Variants in ZNF208 observed in about 807,000 individuals in gnomAD.
The protein encoded by ZNF208 is zinc finger protein 95.
A neutral mutation model predicts 12.1 loss-of-function variants in ZNF208; 10 were observed. That is an observed-to-expected ratio of 0.83 (90% CI 0.51 to 1.40). The LOEUF is 1.40. Ranked by LOEUF, ZNF208 falls within the 40% of genes most tolerant of loss-of-function variation. The probability of loss-of-function intolerance (pLI) is 0.00; values close to 1 mark genes in which losing one functional copy is unlikely to be tolerated. For missense variants in ZNF208, 1,652 were observed against 1,485.0 expected (o/e 1.11, Z -1.85); for synonymous variants, 497 against 488.4 (o/e 1.02, Z -0.23).
intron 2 of ZNF208, 137 bp downstream of exon 2, chr19:21,988,646 G>T: frequency 1.9e-6 from 3 of 1,540,442 alleles, no homozygotes; most frequent in South Asian, 2.4e-5. Flanking sequence ...GGAGGCCCCT[G>T]ACCCCTTCTT....
At chr19:21,979,410 G>C (rs1378839846) in intron 3 of ZNF208, among the ~76,000 whole-genome samples, 1 of 152,112 alleles carries the variant, frequency 6.6e-6, no homozygotes, top group African/African-American at 2.4e-5. Flanking sequence ...AGAAGAGACT[G>C]GGGGGCCAAT....
Position 21,988,791 on chromosome 19 carries a change from A to C in ZNF208, c.122T>G (p.Val41Gly). The C allele has an allele frequency of 6.2e-7, 1 of 1,614,154 alleles. No individual in the cohort carries two copies. Among genetic ancestry groups the C allele is most frequent in the Non-Finnish European group, 8.5e-7 (1 of 1,179,998 alleles). Reference sequence around the variant, plus strand: ...ATTAAAGTTATTCTCACCCAGGAAGACCAGGTTTCTGTAGTTCTCTAACAT... The same window carrying C: ...ATTAAAGTTATTCTCACCCAGGAAGCCCAGGTTTCTGTAGTTCTCTAACAT... ...NVMLENYRNL[V>G]FLGIAAFKPD... is the part of the protein sequence containing the mutation. Residue 41 changes from valine (V) to glycine (G), a missense_variant, in exon 2 of 4, where the codon GTC (valine) becomes GGC (glycine). By Grantham distance (109) the Val-to-Gly change is moderately radical. Around this residue, in one of 3 missense-constraint regions of ZNF208, gnomAD observed 410 missense variants for 378.2 expected, o/e 1.08. Coordinates refer to ENST00000397126, the MANE Select transcript of ZNF208 (RefSeq NM_007153.3).
intron 2 of ZNF208, among the ~76,000 whole-genome samples, chr19:21,988,302 G>A (rs1970660872): frequency 6.6e-6 from 1 of 152,058 alleles, no homozygotes; most frequent in South Asian, 2.1e-4. Context: ...AAAAGAAATG[G>A]TGTTGGGAGC....
chr19:21,962,279 A>G (rs751307064), downstream of ZNF208, among the ~76,000 whole-genome samples: 3 of 152,092 alleles, frequency 2.0e-5, no homozygotes, highest in Non-Finnish European at 2.9e-5. Flanking sequence ...TGTGACACAT[A>G]ATAAGTGTTA....
At chr19:21,945,920 C>T (rs1969809389) in intron 4 of ZNF208, among the ~76,000 whole-genome samples, 1 of 151,342 alleles carries the variant, frequency 6.6e-6, no homozygotes, top group Non-Finnish European at 1.5e-5. Context: ...AAAAAAAGCT[C>T]CAGACACTGT....
intron 4 of ZNF208, among the ~76,000 whole-genome samples, chr19:21,944,130 C>T (rs956010633): frequency 3.3e-5 from 5 of 152,146 alleles, no homozygotes; most frequent in African/African-American, 1.2e-4. Flanking sequence ...AGATATTTCC[C>T]TCAGTCTTTT....
At chr19:22,007,881 G>A (rs1971074575) in intron 1 of ZNF208, among the ~76,000 whole-genome samples, 1 of 151,544 alleles carries the variant, frequency 6.6e-6, no homozygotes. Flanking sequence ...GCAGGCACCT[G>A]TAGTCCCAGC....
chr19:22,008,952 G>A (rs1358662773), intron 1 of ZNF208, among the ~76,000 whole-genome samples: 2 of 152,086 alleles, frequency 1.3e-5, no homozygotes, highest in East Asian at 3.9e-4. Flanking sequence ...CGCAGACATA[G>A]CCATGGCGGG....
At position 21,954,673 on chromosome 19, in the gene ZNF208, T is replaced by G. The variant is rs578233175; in HGVS notation, c.305+20056A>C. Among the ~76,000 whole-genome samples the G allele has an allele frequency of 3.9e-5, 6 of 152,318 alleles. No homozygotes were observed. In the East Asian group the frequency reaches 9.6e-4, roughly 24 times the overall value. On this transcript the variant is annotated intron_variant, in intron 4 of 4. Coordinates refer to the ZNF208 transcript ENST00000599916. The stretch of plus-strand genomic sequence containing the variant: ...GATTGCAACCCCTGCTTTTTTTGGT[T>G]TTCCATTTGCTTGGTAGATTTTCCT...
At chr19:21,987,186 T>G (rs1453253503) in intron 3 of ZNF208, 30 bp downstream of exon 3, 1 of 1,598,226 alleles carries the variant, frequency 6.3e-7, no homozygotes, top group East Asian at 2.3e-5. Context: ...CGACCTCTCA[T>G]CCATGTTGTC....
Position 21,970,675 on chromosome 19 carries a change from C to T in ZNF208, c.*516G>A. ...TGAGGACTGGTTGAAGCCTTTGCCACATTCTTCTCATTTGTAGAGTTTCTC... is the reference window on the plus strand; with the variant it reads ...TGAGGACTGGTTGAAGCCTTTGCCATATTCTTCTCATTTGTAGAGTTTCTC... On this transcript the variant is annotated 3_prime_UTR_variant, in exon 4 of 4. Transcript: ENST00000397126. The T allele has an allele frequency of 9.1e-7, 1 of 1,103,522 alleles. No homozygotes were observed. The highest frequency in any genetic ancestry group is 1.2e-5 in the South Asian group (1 of 80,902). 68.4% of individuals were successfully genotyped at this position (1,103,522 alleles called of 1,614,324 possible).
At chr19:21,956,864 G>A (rs1969986571) in intron 4 of ZNF208, among the ~76,000 whole-genome samples, 1 of 152,126 alleles carries the variant, frequency 6.6e-6, no homozygotes, top group Admixed American at 6.6e-5. Flanking sequence ...CCAGTGAGAT[G>A]AACCCAGTAC....
At chr19:21,995,557 G>C (rs10423799) in intron 1 of ZNF208, among the ~76,000 whole-genome samples, 7,079 of 152,192 alleles carry the variant, frequency 0.047, 453 homozygotes, top group African/African-American at 0.14. Flanking sequence ...CTGGGCTGAT[G>C]GTCCAATGAT....
intron 1 of ZNF208, among the ~76,000 whole-genome samples, chr19:22,004,991 A>C (rs570130539): frequency 2.0e-5 from 3 of 152,330 alleles, no homozygotes; most frequent in African/African-American, 7.2e-5. Context: ...TGTCCTATAG[A>C]TAGTGGCCCA....
Position 21,973,614 on chromosome 19 carries a change from T to A in ZNF208, c.1420A>T (p.Ile474Phe). The change falls in exon 4 of 4, where the codon ATT (isoleucine) becomes TTT (phenylalanine). Residue 474 changes from isoleucine to phenylalanine, a missense_variant. Transcript: ENST00000397126. The stretch of plus-strand genomic sequence containing the variant: ...TTGTAGGGTTTCTCTCCATTATGAA[T>A]TACCTTATGTTTAGTAAGGATTGAG... Reference protein sequence around the residue: ...MFSILTKHKVIHNGEKPYKCE... With the variant: ...MFSILTKHKVFHNGEKPYKCE... 1.2e-6 allele frequency: 2 copies of A among 1,613,402 alleles called. No homozygotes were observed. The highest frequency in any genetic ancestry group is 4.5e-5 in the East Asian group (2 of 44,786).
chr19:21,978,777 C>T (rs1331589052), intron 3 of ZNF208, among the ~76,000 whole-genome samples: 1 of 152,088 alleles, frequency 6.6e-6, no homozygotes, highest in Non-Finnish European at 1.5e-5. Context: ...TTATAACAAA[C>T]TCCTCCAAAC....
chr19:21,976,241 A>AT (rs1463240719), intron 3 of ZNF208, among the ~76,000 whole-genome samples: 11 of 152,230 alleles, frequency 7.2e-5, no homozygotes, highest in Admixed American at 3.9e-4. Flanking sequence ...AAGAGCAGAC[A>AT]TAATAGGGAA....
intron 4 of ZNF208, among the ~76,000 whole-genome samples, chr19:21,948,894 A>G (rs1969852936): frequency 6.6e-6 from 1 of 152,178 alleles, no homozygotes; most frequent in South Asian, 2.1e-4. Context: ...ATGAGAATAA[A>G]AACAATGACC....
intron 3 of ZNF208, among the ~76,000 whole-genome samples, chr19:21,981,246 G>C (rs1279828775): frequency 6.6e-6 from 1 of 152,010 alleles, no homozygotes; most frequent in Non-Finnish European, 1.5e-5. Flanking sequence ...ACCTGGCAGA[G>C]ACACAACAAA....
Sources: allele counts gnomAD v4.1 joint callset (sites outside exome capture counted in the v4.1 genomes callset), GRCh38; gene constraint gnomAD v4.1.1; regional missense constraint gnomAD v4.1.1; transcripts MANE v1.5; gene names NCBI Gene and HGNC (gene_info 2026-07-23, HGNC 2026-07-21).